The following FBXL13 variants were observed in gnomAD, a reference collection of about 807,000 sequenced individuals.
FBXL13 encodes F-box and leucine-rich repeat protein 13.
A neutral mutation model predicts 83.6 loss-of-function variants in FBXL13; 67 were observed. The ratio of observed to expected loss-of-function variants is 0.80; its 90% CI spans 0.66 to 0.98. The LOEUF (loss-of-function observed/expected upper bound fraction) is 0.98. Among genes scored for constraint, FBXL13 ranks in the 50% least tolerant of loss-of-function variants. The pLI is 0.00. For missense variants in FBXL13, 822 were observed against 866.5 expected (o/e 0.95, Z 0.64); for synonymous variants, 272 against 299.5 (o/e 0.91, Z 0.95).
rs77788049 is a variant in FBXL13, at chr7:102,822,091, C to A, written c.1967G>T (p.Gly656Val). The change falls in exon 19 of 20, where the codon GGC becomes GTC. Residue 656 changes from glycine (G) to valine (V), a missense_variant. Gly to Val is a moderately radical substitution (Grantham distance 109). Coordinates refer to ENST00000313221, the Ensembl canonical transcript of FBXL13. ...CTTAAGGATCCGGAGTTGTTTGCAG[C>A]CTATCTGAAGGTCCTCAAGGATTTG... 291 of 1,614,176 alleles carry A rather than the reference C, an allele frequency of 1.8e-4. 2 individuals carry two copies. The East Asian group carries it at 5.7e-3, about 31-fold the overall frequency.
intron 14 of FBXL13, among the ~76,000 whole-genome samples, chr7:102,882,565 C>T (rs2129458879): frequency 6.6e-6 from 1 of 152,210 alleles, no homozygotes; most frequent in African/African-American, 2.4e-5. Context: ...AATTCAAGAA[C>T]AGCCTGGCCA....
chr7:102,818,962 C>T lies in FBXL13; in HGVS notation c.2018+3078G>A, dbSNP rs535215705. On this transcript the variant is annotated intron_variant, in intron 19 of 19. Coordinates refer to ENST00000313221, the Ensembl canonical transcript of FBXL13. ...TTCTCTCCCTCCTCCCACCCTCCAC[C>T]CTCTGACAGGCCCCAGTGTGTGTTG... Among the ~76,000 whole-genome samples the T allele has an allele frequency of 2.6e-3, 395 of 152,246 alleles. 1 individual carries two copies. Among genetic ancestry groups the T allele is most frequent in the Admixed American group, 3.6e-3 (55 of 15,274 alleles).
At chr7:102,950,242 G>A (rs1366587937) in intron 8 of FBXL13, among the ~76,000 whole-genome samples, 1 of 152,174 alleles carries the variant, frequency 6.6e-6, no homozygotes, top group African/African-American at 2.4e-5. Context: ...TGTCATCAGG[G>A]AAATGTAAAT....
At chr7:102,950,939 A>G (rs1403159062) in intron 8 of FBXL13, among the ~76,000 whole-genome samples, 2 of 152,322 alleles carry the variant, frequency 1.3e-5, no homozygotes, top group Admixed American at 6.5e-5. Flanking sequence ...AACACCTATC[A>G]TTGTAAATTT....
chr7:103,024,528 CAAAAAAAA>C (rs11318355), intron 6 of FBXL13, among the ~76,000 whole-genome samples: 3 of 46,788 alleles, frequency 6.4e-5, no homozygotes, highest in African/African-American at 8.8e-5. Context: ...AACTCCATCT[CAAAAAAAA>C]AAAAAAAAAA....
At chr7:102,868,836 T>G (rs903638238) in intron 16 of FBXL13, among the ~76,000 whole-genome samples, 1 of 152,128 alleles carries the variant, frequency 6.6e-6, no homozygotes, top group Non-Finnish European at 1.5e-5. Context: ...TCCAGCTAAT[T>G]TTTGTATTTT....
chr7:102,995,906 T>G (rs1789739128), intron 6 of FBXL13, among the ~76,000 whole-genome samples: 1 of 152,158 alleles, frequency 6.6e-6, no homozygotes, highest in South Asian at 2.1e-4. Flanking sequence ...TGAGCAACAT[T>G]CCCCAATTAT....
chr7:103,068,130 A>C (rs191658061), intron 1 of FBXL13, among the ~76,000 whole-genome samples: 1 of 152,250 alleles, frequency 6.6e-6, no homozygotes, highest in East Asian at 1.9e-4. Flanking sequence ...GATAACTGGA[A>C]GAAAGGTCAA....
At chr7:103,025,191 T>C (rs1440917269) in exon 6 of FBXL13, 2 of 1,586,852 alleles carry the variant, frequency 1.3e-6, no homozygotes, top group Non-Finnish European at 8.6e-7. Flanking sequence ...AGTATTAACC[T>C]ATTTTTCCAT....
chr7:102,982,165 A>G (rs182415905), intron 6 of FBXL13, among the ~76,000 whole-genome samples: 3 of 152,254 alleles, frequency 2.0e-5, no homozygotes, highest in East Asian at 3.9e-4. Flanking sequence ...GGGCATGAGG[A>G]GTTCATAGTG....
In FBXL13 at chr7:102,934,820, T is replaced by C. The variant is rs1819977832; in HGVS notation, c.725-2887A>G. ...ACCAGAAATCCTTCCCTATTGACAA[T>C]GGAATTTACCACAAGTTTTTCTGGG... On this transcript the variant is annotated intron_variant, in intron 8 of 19. Coordinates refer to ENST00000313221, the Ensembl canonical transcript of FBXL13. The C allele has an allele frequency of 3.6e-6, 3 of 843,940 alleles. No homozygotes were observed. In the Admixed American group the frequency reaches 9.1e-5, roughly 26 times the overall value. The allele number at this position is 843,940 out of a possible 1,614,324, so 52.3% of individuals were successfully genotyped here. A position where few individuals can be genotyped will look rare whatever the true frequency, so the allele number is the denominator to read the frequency against.
intron 10 of FBXL13, among the ~76,000 whole-genome samples, chr7:102,916,530 T>C (rs1456162910): frequency 6.6e-6 from 1 of 152,196 alleles, no homozygotes; most frequent in African/African-American, 2.4e-5. Flanking sequence ...TAGGCCTTTC[T>C]AGGGATTTAC....
intron 2 of FBXL13, among the ~76,000 whole-genome samples, chr7:103,054,856 T>TCAGA (rs199617567): frequency 0.011 from 1,670 of 152,248 alleles, 34 homozygotes; most frequent in African/African-American, 0.039. Flanking sequence ...AAAGATTTTA[T>TCAGA]AAGAGAAGGA....
intron 16 of FBXL13, among the ~76,000 whole-genome samples, chr7:102,858,849 C>G (rs1489320994): frequency 6.6e-6 from 1 of 152,030 alleles, no homozygotes; most frequent in African/African-American, 2.4e-5. Flanking sequence ...GTGGGACAGG[C>G]ATAAGGAGTG....
chr7:102,905,574 A>G (rs1309185400), intron 11 of FBXL13, among the ~76,000 whole-genome samples: 1 of 152,054 alleles, frequency 6.6e-6, no homozygotes, highest in African/African-American at 2.4e-5. Flanking sequence ...CAGCCATTCT[A>G]TATCTTTTCA....
At chr7:102,853,865 G>C (rs1234038380) in intron 17 of FBXL13, among the ~76,000 whole-genome samples, 2 of 152,028 alleles carry the variant, frequency 1.3e-5, no homozygotes, top group African/African-American at 2.4e-5. Flanking sequence ...AAAAAGTCAG[G>C]AAACAACAGG....
chr7:102,961,072 A>G (rs1272512914), intron 8 of FBXL13, among the ~76,000 whole-genome samples: 16 of 148,764 alleles, frequency 1.1e-4, no homozygotes, highest in African/African-American at 3.9e-4. Context: ...ACATGATTGT[A>G]TATCTAGAAA....
chr7:103,014,784 A>G (rs575990202), intron 6 of FBXL13, among the ~76,000 whole-genome samples: 1,667 of 151,896 alleles, frequency 0.011, 35 homozygotes, highest in African/African-American at 0.039. Flanking sequence ...TTAGCCGGGC[A>G]AGGTAGCGGG....
intron 8 of FBXL13, among the ~76,000 whole-genome samples, chr7:102,960,554 T>A (rs1267347153): frequency 2.0e-5 from 3 of 151,306 alleles, no homozygotes; most frequent in East Asian, 1.9e-4. Context: ...TAGACCAATA[T>A]CCTTGATGAA....
Sources: allele counts gnomAD v4.1 joint callset (sites outside exome capture counted in the v4.1 genomes callset), GRCh38; gene constraint gnomAD v4.1.1; transcripts MANE v1.5; gene names NCBI Gene and HGNC (gene_info 2026-07-23, HGNC 2026-07-21).